Variants in CYP2C18 observed in about 807,000 individuals in gnomAD.
CYP2C18 encodes cytochrome P450 family 2 subfamily C member 18, also known as cytochrome P450 2C18.
In CYP2C18, 38 loss-of-function variants were observed where a neutral mutation model predicts 41.3. That is an observed-to-expected ratio of 0.92 (90% confidence interval 0.71 to 1.21). The LOEUF (loss-of-function observed/expected upper bound fraction) is 1.21, where lower values mean the gene tolerates loss of function less well. Among genes scored for constraint, CYP2C18 ranks in the 50% most tolerant of loss-of-function variants. The pLI is 0.00. For synonymous variants in CYP2C18, 236 were observed against 210.0 expected (o/e 1.12, Z -1.07); for missense variants, 635 against 591.4 (o/e 1.07, Z -0.77).
chr10:94,698,755 G>A (rs1377332216), intron 4 of CYP2C18, among the ~76,000 whole-genome samples: 1 of 151,990 alleles, frequency 6.6e-6, no homozygotes, highest in Admixed American at 6.5e-5. Flanking sequence ...AAGAAGAAAA[G>A]AGAAGAATCA....
intron 4 of CYP2C18, among the ~76,000 whole-genome samples, chr10:94,706,564 A>G (rs563054255): frequency 3.3e-5 from 5 of 152,328 alleles, no homozygotes; most frequent in Admixed American, 3.3e-4. Context: ...AAAATAATAT[A>G]TGAGTATAGA....
intron 4 of CYP2C18, among the ~76,000 whole-genome samples, chr10:94,705,746 ACAGCTTGCCCATATCTTAG>A (rs1468954309): frequency 6.6e-6 from 1 of 152,176 alleles, no homozygotes; most frequent in Non-Finnish European, 1.5e-5. Context: ...GTTGAACACT[ACAGCTTGCCCATATCTTAG>A]CATTGTGGCA....
chr10:94,697,741 A>G (rs1470347353), intron 4 of CYP2C18, among the ~76,000 whole-genome samples: 2 of 152,228 alleles, frequency 1.3e-5, no homozygotes, highest in African/African-American at 4.8e-5. Context: ...GAACAATCTC[A>G]TGTACAGAGA....
At position 94,723,606 on chromosome 10, in the gene CYP2C18, A is replaced by C. The variant is rs143133342; in HGVS notation, c.962-740A>C. On this transcript the variant is annotated intron_variant, in intron 6 of 8. Coordinates refer to ENST00000285979, the MANE Select transcript of CYP2C18 (RefSeq NM_000772.3). ...TTTATGAAATAATAATGGTGTGAAC[A>C]TGAGTATTAATATAATAAAAATGTG... is the stretch of plus-strand genomic sequence containing the variant. Among the ~76,000 whole-genome samples the C allele has an allele frequency of 3.9e-5, 6 of 152,282 alleles. No individual in the cohort carries two copies. In the East Asian group the frequency reaches 9.7e-4, roughly 24 times the overall value.
At chr10:94,705,071 G>A (rs1055848374) in intron 4 of CYP2C18, among the ~76,000 whole-genome samples, 1 of 152,108 alleles carries the variant, frequency 6.6e-6, no homozygotes, top group Non-Finnish European at 1.5e-5. Context: ...CTTCCACTGC[G>A]AGCAGGGCTG....
rs56194519 is a variant in CYP2C18, at chr10:94,684,151, G to A, written c.168+164G>A. 7.2e-5 allele frequency among the ~76,000 whole-genome samples: 11 copies of A among 152,198 alleles called. No homozygotes were observed. In the East Asian group the frequency reaches 1.9e-3, roughly 27 times the overall value. Reference sequence around the variant, plus strand: ...TAGATTGTGAATTGATCATATCAGGGTAATTAGCATATCCATCATCTCAAA... The same window carrying A: ...TAGATTGTGAATTGATCATATCAGGATAATTAGCATATCCATCATCTCAAA... On this transcript the variant is annotated intron_variant, in intron 1 of 8. Coordinates refer to ENST00000285979, the MANE Select transcript of CYP2C18 (RefSeq NM_000772.3).
chr10:94,705,583 C>T (rs1036833170), intron 4 of CYP2C18, among the ~76,000 whole-genome samples: 6 of 152,064 alleles, frequency 3.9e-5, no homozygotes, highest in Non-Finnish European at 7.4e-5. Context: ...TCAGTTCTCC[C>T]TTGTTTGCTA....
At chr10:94,713,533 A>G (rs1039536894) in intron 5 of CYP2C18, among the ~76,000 whole-genome samples, 1 of 152,090 alleles carries the variant, frequency 6.6e-6, no homozygotes, top group Admixed American at 6.6e-5. Context: ...ATGGCTGCAT[A>G]TATTCCATGG....
chr10:94,733,483 C>T (rs776999813), intron 8 of CYP2C18, 45 bp downstream of exon 8: 7 of 1,606,986 alleles, frequency 4.4e-6, no homozygotes, highest in Non-Finnish European at 6.0e-6. Context: ...CACATGATAC[C>T]TTTTTGGGAT....
At chr10:94,695,401 T>C (rs187345163) in intron 4 of CYP2C18, among the ~76,000 whole-genome samples, 56 of 152,324 alleles carry the variant, frequency 3.7e-4, no homozygotes, top group Non-Finnish European at 5.9e-4. Flanking sequence ...TGTTTGGTTT[T>C]CTGTTCCTGT....
At chr10:94,731,067 G>T (rs1847823438) in intron 7 of CYP2C18, among the ~76,000 whole-genome samples, 1 of 152,142 alleles carries the variant, frequency 6.6e-6, no homozygotes, top group Non-Finnish European at 1.5e-5. Flanking sequence ...TCATGGATTG[G>T]AAGAATCAAT....
intron 1 of CYP2C18, among the ~76,000 whole-genome samples, chr10:94,685,765 T>C (rs1371814074): frequency 6.6e-6 from 1 of 152,198 alleles, no homozygotes; most frequent in Admixed American, 6.5e-5. Flanking sequence ...TCTATTTTTA[T>C]GCTAATGCTA....
chr10:94,735,038 C>T (rs570405390), intron 8 of CYP2C18, among the ~76,000 whole-genome samples: 3 of 152,126 alleles, frequency 2.0e-5, no homozygotes, highest in Non-Finnish European at 4.4e-5. Context: ...AGAGCTGATA[C>T]TCCATAAATA....
intron 4 of CYP2C18, 87 bp downstream of exon 4, chr10:94,695,164 T>G: frequency 5.6e-6 from 7 of 1,244,272 alleles, no homozygotes; most frequent in Non-Finnish European, 6.7e-6. Flanking sequence ...AAATTATACT[T>G]TAAGTTCTGG....
At chr10:94,691,938 T>A (rs1346289014) in intron 3 of CYP2C18, among the ~76,000 whole-genome samples, 1 of 152,182 alleles carries the variant, frequency 6.6e-6, no homozygotes, top group African/African-American at 2.4e-5. Flanking sequence ...ATTCCCTATT[T>A]AATAAATGGT....
intron 3 of CYP2C18, among the ~76,000 whole-genome samples, chr10:94,690,270 T>C (rs1846971773): frequency 6.6e-6 from 1 of 152,182 alleles, no homozygotes; most frequent in African/African-American, 2.4e-5. Context: ...GTTCTTGTCA[T>C]AATGAGTCTG....
intron 5 of CYP2C18, among the ~76,000 whole-genome samples, chr10:94,717,995 A>C (rs1013246092): frequency 6.6e-6 from 1 of 152,078 alleles, no homozygotes; most frequent in African/African-American, 2.4e-5. Context: ...TAAGAGAGAT[A>C]ACATTGGAAT....
At chr10:94,725,090 T>C (rs1410514030) in intron 7 of CYP2C18, among the ~76,000 whole-genome samples, 1 of 147,988 alleles carries the variant, frequency 6.8e-6, no homozygotes, top group East Asian at 1.9e-4. Context: ...AAAATATATA[T>C]AATATGAAAT....
At chr10:94,707,005 G>C (rs1158455892) in intron 5 of CYP2C18, 45 bp downstream of exon 5, 4 of 1,535,320 alleles carry the variant, frequency 2.6e-6, no homozygotes, top group Non-Finnish European at 3.6e-6. Flanking sequence ...TCATTGATTA[G>C]TTCTATAACG....
Sources: gnomAD v4.1 joint callset for allele counts (sites outside exome capture counted in the v4.1 genomes callset) on GRCh38, gnomAD v4.1.1 for gene constraint, MANE v1.5 for transcripts, NCBI Gene and HGNC (gene_info 2026-07-23, HGNC 2026-07-21) for gene names.